The following PLXNA4 variants were observed in gnomAD, a reference collection of about 807,000 sequenced individuals.
PLXNA4 encodes the protein plexin A4.
In PLXNA4, 44 loss-of-function variants were observed where a neutral mutation model predicts 191.8. That is an observed-to-expected ratio of 0.23 (90% CI 0.18 to 0.29). The LOEUF is 0.29. Ranked by LOEUF, PLXNA4 falls within the 10% of genes least tolerant of loss-of-function variation. PLXNA4 has a pLI of 1.00. For missense variants in PLXNA4, 1,800 were observed against 2,488.8 expected (o/e 0.72, Z 5.89); for synonymous variants, 1,082 against 1,009.5 (o/e 1.07, Z -1.36).
intron 3 of PLXNA4, among the ~76,000 whole-genome samples, chr7:132,421,905 C>A (rs767772406): frequency 6.6e-5 from 10 of 152,172 alleles, no homozygotes; most frequent in Non-Finnish European, 1.2e-4. Flanking sequence ...TGCTTCGCTG[C>A]AACCCTGGGC....
At chr7:132,497,682 C>T (rs778404968) in intron 2 of PLXNA4, among the ~76,000 whole-genome samples, 16 of 152,274 alleles carry the variant, frequency 1.1e-4, no homozygotes, top group East Asian at 3.9e-4. Context: ...CCTTCAGACA[C>T]GTGACATTGA....
intron 3 of PLXNA4, among the ~76,000 whole-genome samples, chr7:132,300,689 GT>G (rs1315034580): frequency 6.6e-6 from 1 of 152,212 alleles, no homozygotes; most frequent in African/African-American, 2.4e-5. Flanking sequence ...AAGTCTGACC[GT>G]GCAATGATGG....
At chr7:132,196,511 A>T (rs1797259111) in intron 13 of PLXNA4, among the ~76,000 whole-genome samples, 1 of 152,220 alleles carries the variant, frequency 6.6e-6, no homozygotes, top group African/African-American at 2.4e-5. Flanking sequence ...ACAATAATTT[A>T]TTGAACTGAG....
chr7:132,203,201 G>A, intron 11 of PLXNA4, 122 bp downstream of exon 11: 2 of 847,622 alleles, frequency 2.4e-6, no homozygotes, highest in Non-Finnish European at 1.9e-6. Flanking sequence ...GGGCTCAGAG[G>A]GAGAGGGACA....
intron 25 of PLXNA4, among the ~76,000 whole-genome samples, chr7:132,155,358 T>C (rs535853840): frequency 6.6e-6 from 1 of 152,182 alleles, no homozygotes; most frequent in South Asian, 2.1e-4. Context: ...ATGGCACCAG[T>C]GATTTCCCTT....
intron 3 of PLXNA4, among the ~76,000 whole-genome samples, chr7:132,344,392 A>G (rs959379888): frequency 6.6e-6 from 1 of 152,186 alleles, no homozygotes; most frequent in African/African-American, 2.4e-5. Flanking sequence ...AAACAGAAAA[A>G]CTTTGAGCTC....
At chr7:132,323,655 A>G (rs894373355) in intron 3 of PLXNA4, among the ~76,000 whole-genome samples, 2 of 152,146 alleles carry the variant, frequency 1.3e-5, no homozygotes, top group South Asian at 4.1e-4. Context: ...TGAATGTTCC[A>G]CTTCCAGGCC....
intron 1 of PLXNA4, among the ~76,000 whole-genome samples, chr7:132,563,549 TCTC>T (rs1801485103): frequency 1.5e-5 from 1 of 65,634 alleles, no homozygotes; most frequent in African/African-American, 5.6e-5. Context: ...TCCTCCTCCT[TCTC>T]CTACTCCTTC....
At chr7:132,572,895 C>T (rs1286456025) in intron 1 of PLXNA4, among the ~76,000 whole-genome samples, 1 of 152,200 alleles carries the variant, frequency 6.6e-6, no homozygotes, top group Non-Finnish European at 1.5e-5. Context: ...TAATCATGTG[C>T]ATCTCCCAAA....
intron 3 of PLXNA4, among the ~76,000 whole-genome samples, chr7:132,311,193 T>TGTGCGCGC (rs71178034): frequency 3.2e-4 from 29 of 89,906 alleles, no homozygotes; most frequent in African/African-American, 1.0e-3. Flanking sequence ...TGTGTGTGTG[T>TGTGCGCGC]GCGCGTGTGG....
In PLXNA4 at chr7:132,241,148, C is replaced by A; in HGVS notation, c.1522G>T (p.Glu508Ter). The change falls in exon 5 of 32, where the codon GAG becomes TAG. Residue 508 changes from glutamate to a stop codon, truncating the protein, a stop_gained. Coordinates refer to ENST00000321063, the MANE Select transcript of PLXNA4 (RefSeq NM_020911.2). LOFTEE classifies it high-confidence loss of function. ...SERQLTRVPVESCGQYQSCGE... is the reference protein window; with the variant it reads ...SERQLTRVPV ...CAGCTCTGATACTGACCACAGGACT[C>A]CACAGGGACTCTGGTGAGCTAGGAC... The A allele has an allele frequency of 1.2e-6, 2 of 1,612,084 alleles. No homozygotes were observed. Among genetic ancestry groups the A allele is most frequent in the Non-Finnish European group, 1.7e-6 (2 of 1,178,648 alleles).
At chr7:132,588,662 A>AAGGGG (rs1802546602) in intron 2 of PLXNA4, among the ~76,000 whole-genome samples, 1 of 113,598 alleles carries the variant, frequency 8.8e-6, no homozygotes, top group Non-Finnish European at 1.8e-5. Context: ...AAGGGAAGGG[A>AAGGGG]AGGGAAGGGA....
intron 2 of PLXNA4, among the ~76,000 whole-genome samples, chr7:132,501,676 G>A (rs911364172): frequency 6.6e-6 from 1 of 152,218 alleles, no homozygotes; most frequent in Admixed American, 6.5e-5. Context: ...GAGGGAGGTG[G>A]GCGGGCCTTT....
Position 132,282,618 on chromosome 7 carries a change from A to G in PLXNA4, c.1503+15473T>C, listed in dbSNP as rs1337504881. Among the ~76,000 whole-genome samples, 3 of 11,010 alleles carry G rather than the reference A, an allele frequency of 2.7e-4. No homozygotes were observed. In the East Asian group the frequency reaches 0.013, roughly 47 times the overall value. 7.2% of individuals were successfully genotyped at this position (11,010 alleles called of 152,430 possible). On this transcript the variant is annotated intron_variant, in intron 4 of 31. Coordinates refer to ENST00000321063, the MANE Select transcript of PLXNA4 (RefSeq NM_020911.2). The stretch of plus-strand genomic sequence containing the variant: ...AGCCAGACCTTGTCTCAGAAAAAAA[A>G]AAAAAAAAAAAAAAAAAAAAAAAAA...
chr7:132,354,327 T>C (rs768600682), intron 3 of PLXNA4, among the ~76,000 whole-genome samples: 1 of 152,162 alleles, frequency 6.6e-6, no homozygotes, highest in Non-Finnish European at 1.5e-5. Context: ...GAGTTTTTAT[T>C]TGAAACCCAC....
intron 3 of PLXNA4, among the ~76,000 whole-genome samples, chr7:132,345,708 T>C (rs1402284613): frequency 6.6e-6 from 1 of 152,176 alleles, no homozygotes; most frequent in Non-Finnish European, 1.5e-5. Flanking sequence ...GGGGCTCCAG[T>C]GTCTCACCCC....
At chr7:132,228,531 T>C in intron 5 of PLXNA4, 62 bp from the exon 6 acceptor site, 1 of 1,599,508 alleles carries the variant, frequency 6.3e-7, no homozygotes, top group South Asian at 1.1e-5. Flanking sequence ...GAGGGGCGGA[T>C]GCTGAGGTCA....
intron 4 of PLXNA4, among the ~76,000 whole-genome samples, chr7:132,241,737 CTCTT>C (rs1354679625): frequency 1.3e-5 from 2 of 152,136 alleles, no homozygotes; most frequent in Admixed American, 1.3e-4. Flanking sequence ...TACTTGCCCG[CTCTT>C]TCTTTCTCAT....
chr7:132,386,774 TC>T (rs1805163818), intron 3 of PLXNA4, among the ~76,000 whole-genome samples: 1 of 152,158 alleles, frequency 6.6e-6, no homozygotes, highest in African/African-American at 2.4e-5. Context: ...TCAGCAGGGA[TC>T]ATGTTCCCCA....
Sources: gnomAD v4.1 joint callset for allele counts (sites outside exome capture counted in the v4.1 genomes callset) on GRCh38, gnomAD v4.1.1 for gene constraint, MANE v1.5 for transcripts, NCBI Gene and HGNC (gene_info 2026-07-23, HGNC 2026-07-21) for gene names.